TNNI3K: variants seen among roughly 807,000 people sequenced by gnomAD.
TNNI3K encodes TNNI3 interacting kinase, also known as serine/threonine-protein kinase TNNI3K.
Under a neutral mutation model 114.5 loss-of-function variants are expected in TNNI3K, and 140 were observed. The observed-to-expected ratio is 1.22, with a 90% CI of 1.07 to 1.41. The LOEUF (loss-of-function observed/expected upper bound fraction) is 1.41, where lower values mean the gene tolerates loss of function less well. Ranked by LOEUF, TNNI3K falls within the 40% of genes most tolerant of loss-of-function variation. The pLI is 0.00. For synonymous variants in TNNI3K, 347 were observed against 347.5 expected, an observed-to-expected ratio of 1.00 and a Z score of 0.02; for missense variants, 1,125 against 1,007.6, an observed-to-expected ratio of 1.12 and a Z score of -1.58.
At chr1:74,369,806 C>A in intron 16 of TNNI3K, 1 of 493,732 alleles carries the variant, frequency 2.0e-6, no homozygotes, top group Non-Finnish European at 3.1e-6. Context: ...TTGAAGATAA[C>A]AAATTTAAGG....
intron 5 of TNNI3K, among the ~76,000 whole-genome samples, chr1:74,302,744 T>A (rs1658403853): frequency 6.6e-6 from 1 of 152,180 alleles, no homozygotes; most frequent in South Asian, 2.1e-4. Flanking sequence ...AAGAAAAGTT[T>A]GAAGTTAGCT....
chr1:74,488,209 G>T (rs1444225459), intron 21 of TNNI3K, among the ~76,000 whole-genome samples: 5 of 152,112 alleles, frequency 3.3e-5, no homozygotes, highest in Non-Finnish European at 7.4e-5. Flanking sequence ...GAAACCATTT[G>T]GAAGTAGCAG....
At chr1:74,504,028 T>C (rs1269335691) in intron 23 of TNNI3K, among the ~76,000 whole-genome samples, 2 of 152,192 alleles carry the variant, frequency 1.3e-5, no homozygotes, top group East Asian at 3.9e-4. Flanking sequence ...AGCCATTTAC[T>C]ATATTTACAT....
intron 20 of TNNI3K, among the ~76,000 whole-genome samples, chr1:74,460,192 C>A (rs1003737140): frequency 6.6e-6 from 1 of 151,896 alleles, no homozygotes; most frequent in Non-Finnish European, 1.5e-5. Flanking sequence ...TTTCCTGCCT[C>A]GAGTAGCTGG....
At chr1:74,296,208 G>A (rs888054450) in intron 5 of TNNI3K, among the ~76,000 whole-genome samples, 1 of 151,822 alleles carries the variant, frequency 6.6e-6, no homozygotes, top group African/African-American at 2.4e-5. Context: ...CCTGGGAGGT[G>A]GAGCTTGCAG....
At chr1:74,318,794 C>T (rs1478430340) in intron 5 of TNNI3K, among the ~76,000 whole-genome samples, 1 of 152,084 alleles carries the variant, frequency 6.6e-6, no homozygotes, top group African/African-American at 2.4e-5. Flanking sequence ...TTTTTGACCC[C>T]CAGTGCCTAG....
At chr1:74,383,074 C>CT (rs967432626) in intron 17 of TNNI3K, among the ~76,000 whole-genome samples, 10,621 of 146,352 alleles carry the variant, frequency 0.073, 1,259 homozygotes, top group African/African-American at 0.25. Flanking sequence ...TCTTTAATTT[C>CT]TTTTTTTTTT....
intron 23 of TNNI3K, among the ~76,000 whole-genome samples, chr1:74,506,829 C>G (rs1457269563): frequency 6.6e-6 from 1 of 152,134 alleles, no homozygotes; most frequent in African/African-American, 2.4e-5. Flanking sequence ...TTACTGCTCC[C>G]TATGAGCATT....
At chr1:74,518,873 C>CTTTTTTTTTTTTTTTTT (rs1646388103) in intron 23 of TNNI3K, among the ~76,000 whole-genome samples, 2 of 100,332 alleles carry the variant, frequency 2.0e-5, no homozygotes, top group Non-Finnish European at 3.5e-5. Context: ...TTTTTTTTCC[C>CTTTTTTTTTTTTTTTTT]CTTTTTTTTT....
At chr1:74,426,234 C>T (rs1209356569) in intron 17 of TNNI3K, among the ~76,000 whole-genome samples, 9 of 152,062 alleles carry the variant, frequency 5.9e-5, no homozygotes. Context: ...CCCCACTTTG[C>T]AAGGAGCTGC....
At chr1:74,313,067 T>C (rs1293063538) in intron 5 of TNNI3K, among the ~76,000 whole-genome samples, 1 of 152,210 alleles carries the variant, frequency 6.6e-6, no homozygotes, top group African/African-American at 2.4e-5. Context: ...AATGGCTCAC[T>C]GTCTTGGATC....
chr1:74,297,555 A>G (rs61776175), intron 5 of TNNI3K, among the ~76,000 whole-genome samples: 10 of 61,286 alleles, frequency 1.6e-4, no homozygotes, highest in Middle Eastern at 5.7e-3. Context: ...GTGTGTGTGT[A>G]TAAATATAAT....
chr1:74,354,351 G>A (rs1451226150), intron 11 of TNNI3K, among the ~76,000 whole-genome samples: 1 of 152,102 alleles, frequency 6.6e-6, no homozygotes, highest in Non-Finnish European at 1.5e-5. Context: ...CTCAGTATTG[G>A]CACTTTGAAA....
At chr1:74,377,021 A>G (rs1026259772) in intron 17 of TNNI3K, 1 of 152,040 alleles carries the variant, frequency 6.6e-6, no homozygotes, top group East Asian at 1.9e-4. Flanking sequence ...CCTGATGCTG[A>G]TTACATCAGA....
intron 17 of TNNI3K, among the ~76,000 whole-genome samples, chr1:74,385,878 G>C (rs1352373518): frequency 6.6e-6 from 1 of 152,174 alleles, no homozygotes; most frequent in African/African-American, 2.4e-5. Context: ...GAAAGGCCTA[G>C]AGTATTTATA....
At chr1:74,462,503 T>C (rs1667492828) in intron 20 of TNNI3K, among the ~76,000 whole-genome samples, 1 of 152,196 alleles carries the variant, frequency 6.6e-6, no homozygotes, top group Non-Finnish European at 1.5e-5. Flanking sequence ...AGCATGGATT[T>C]TGAAACAAAA....
At chr1:74,375,719 G>A in intron 17 of TNNI3K, 1 of 409,610 alleles carries the variant, frequency 2.4e-6, no homozygotes, top group South Asian at 1.7e-5. Context: ...CCCACTTTCA[G>A]ACCCCTACCC....
In TNNI3K at chr1:74,475,116, C is replaced by CCACACACACA. The variant is rs3058791; in HGVS notation, c.2121+11599_2121+11608dup. Among the ~76,000 whole-genome samples, 911 of 135,970 alleles carry CCACACACACA rather than the reference C, an allele frequency of 6.7e-3. 9 individuals carry two copies. The highest frequency in any genetic ancestry group is 0.025 in the East Asian group (110 of 4,398). The allele number at this position is 135,970 out of a possible 152,430, so 89.2% of individuals were successfully genotyped here. On this transcript the variant is annotated intron_variant, in intron 21 of 24. Coordinates refer to ENST00000326637, the MANE Select transcript of TNNI3K (RefSeq NM_015978.3). ...AAGAACACTTCATCTCCACCTCAGC[C>CCACACACACA]CACACACACACACACACACACACAC...
chr1:74,504,303 A>G (rs1432711872), intron 23 of TNNI3K, among the ~76,000 whole-genome samples: 1 of 152,154 alleles, frequency 6.6e-6, no homozygotes, highest in Non-Finnish European at 1.5e-5. Flanking sequence ...GCTTGTTTTT[A>G]GCTGCCTTGC....
Sources: gnomAD v4.1 joint callset for allele counts (sites outside exome capture counted in the v4.1 genomes callset) on GRCh38, gnomAD v4.1.1 for gene constraint, MANE v1.5 for transcripts, NCBI Gene and HGNC (gene_info 2026-07-23, HGNC 2026-07-21) for gene names.